The following CREB5 variants were observed in gnomAD, a reference collection of about 807,000 sequenced individuals.
CREB5 encodes cAMP responsive element binding protein 5, also known as cyclic AMP-responsive element-binding protein 5.
CREB5 carries 19 observed loss-of-function variants against 57.1 expected under a neutral mutation model. That is an observed-to-expected ratio of 0.33 (90% CI 0.23 to 0.49). CREB5 has a LOEUF of 0.49. CREB5 is among the 20% of genes least tolerant of loss of function. CREB5 has a pLI of 0.99. For synonymous variants in CREB5, 238 were observed against 238.3 expected, an observed-to-expected ratio of 1.00 and a Z score of 0.01; for missense variants, 579 against 671.6, an observed-to-expected ratio of 0.86 and a Z score of 1.52.
rs752228734 is a variant in CREB5 at position 28,712,524 on chromosome 7, T to TTTATTATTATTATTATTA, written c.465-6223_465-6206dup. ...ACTCCTCAAAAAAAAAAAAAGAGAA[T>TTTATTATTATTATTATTA]TTATTATTATTATTATTATTATTTT... On this transcript the variant is annotated intron_variant, in intron 5 of 10. Coordinates refer to ENST00000357727, the MANE Select transcript of CREB5 (RefSeq NM_182898.4). Among the ~76,000 whole-genome samples the TTTATTATTATTATTATTA allele has an allele frequency of 9.7e-3, 1,310 of 135,322 alleles. 29 individuals carry two copies. Among genetic ancestry groups the TTTATTATTATTATTATTA allele is most frequent in the African/African-American group, 0.034 (1,173 of 34,960 alleles). 88.8% of individuals were successfully genotyped at this position (135,322 alleles called of 152,430 possible).
intron 5 of CREB5, among the ~76,000 whole-genome samples, chr7:28,699,470 C>T (rs1012276093): frequency 6.6e-6 from 1 of 151,988 alleles, no homozygotes; most frequent in Non-Finnish European, 1.5e-5. Flanking sequence ...TCTCTGGGAA[C>T]CAAAATTAAT....
intron 7 of CREB5, among the ~76,000 whole-genome samples, chr7:28,733,166 A>G (rs914394180): frequency 6.6e-6 from 1 of 152,234 alleles, no homozygotes; most frequent in East Asian, 1.9e-4. Context: ...AAAAAGTGCA[A>G]CCAGAGAGCC....
intron 7 of CREB5, among the ~76,000 whole-genome samples, chr7:28,751,932 G>A (rs1174449149): frequency 6.6e-6 from 1 of 151,998 alleles, no homozygotes; most frequent in Non-Finnish European, 1.5e-5. Flanking sequence ...ACGAGTACCG[G>A]TCAGTTCTTT....
intron 7 of CREB5, among the ~76,000 whole-genome samples, chr7:28,782,515 C>A (rs1056350639): frequency 1.1e-4 from 17 of 152,266 alleles, no homozygotes; most frequent in Non-Finnish European, 1.9e-4. Flanking sequence ...GAAATACTAG[C>A]ACATCACCCC....
chr7:28,560,969 T>TGCGCGTGTGTGCGC (rs1395767512), intron 4 of CREB5, among the ~76,000 whole-genome samples: 354 of 24,950 alleles, frequency 0.014, 35 homozygotes, highest in Non-Finnish European at 0.028. Flanking sequence ...TGCGTGTGTG[T>TGCGCGTGTGTGCGC]GTGCGTGTGT....
At chr7:28,718,601 T>C in intron 5 of CREB5, 152 bp from the exon 6 acceptor site, 1 of 1,056,488 alleles carries the variant, frequency 9.5e-7, no homozygotes, top group Non-Finnish European at 1.3e-6. Flanking sequence ...TTATTTGTTA[T>C]TATTTCCCTA....
chr7:28,648,930 T>C (rs1167849604), intron 5 of CREB5, among the ~76,000 whole-genome samples: 1 of 152,200 alleles, frequency 6.6e-6, no homozygotes, highest in Non-Finnish European at 1.5e-5. Context: ...CCTTAAAAGC[T>C]TTAATGTACC....
intron 7 of CREB5, among the ~76,000 whole-genome samples, chr7:28,800,574 G>A (rs774306135): frequency 1.3e-5 from 2 of 152,214 alleles, no homozygotes; most frequent in Non-Finnish European, 2.9e-5. Context: ...TTTTGGAGTA[G>A]GGGAAATGTA....
In CREB5 at chr7:28,358,103, CT is replaced by C. The variant is rs926629627; in HGVS notation, c.-25+58669del. ...TTGTCTGAGGCATCTTGCATACACACTTTTTTTCAGTCTGCACAACAACTGA... is the reference window on the plus strand; with the variant it reads ...TTGTCTGAGGCATCTTGCATACACACTTTTTTCAGTCTGCACAACAACTGA... On this transcript the variant is annotated intron_variant, in intron 1 of 9. Coordinates refer to the CREB5 transcript ENST00000396299. Among the ~76,000 whole-genome samples the C allele has an allele frequency of 2.6e-4, 40 of 152,130 alleles. 1 individual carries two copies. Among genetic ancestry groups the C allele is most frequent in the Non-Finnish European group, 2.9e-5 (2 of 68,024 alleles).
intron 1 of CREB5, among the ~76,000 whole-genome samples, chr7:28,418,345 G>A (rs1379116432): frequency 3.3e-5 from 5 of 152,068 alleles, no homozygotes; most frequent in African/African-American, 4.8e-5. Context: ...ATTCACTAAA[G>A]GATGCAAAAA....
At chr7:28,496,526 T>G (rs1174503950) in intron 3 of CREB5, among the ~76,000 whole-genome samples, 1 of 152,194 alleles carries the variant, frequency 6.6e-6, no homozygotes, top group African/African-American at 2.4e-5. Context: ...ATGGAGCTTC[T>G]GTCCCAGGCT....
At chr7:28,744,494 C>T (rs1804584288) in intron 7 of CREB5, among the ~76,000 whole-genome samples, 1 of 151,802 alleles carries the variant, frequency 6.6e-6, no homozygotes, top group African/African-American at 2.4e-5. Flanking sequence ...ATTACAGGTA[C>T]ACACCACCAC....
At chr7:28,521,486 T>G (rs1216904614) in intron 4 of CREB5, among the ~76,000 whole-genome samples, 8 of 152,218 alleles carry the variant, frequency 5.3e-5, no homozygotes, top group Non-Finnish European at 1.2e-4. Context: ...TATCACTAAT[T>G]GCAGGGGTGC....
chr7:28,332,554 A>G (rs1165199787), intron 1 of CREB5, among the ~76,000 whole-genome samples: 1 of 152,152 alleles, frequency 6.6e-6, no homozygotes, highest in African/African-American at 2.4e-5. Context: ...GAAGTATTTG[A>G]AGATTACAAC....
chr7:28,709,538 G>A (rs549200910), intron 5 of CREB5, among the ~76,000 whole-genome samples: 17 of 152,098 alleles, frequency 1.1e-4, no homozygotes, highest in South Asian at 4.2e-4. Context: ...TGTTTAAAAC[G>A]CTTGAAAGCC....
At chr7:28,322,274 T>A (rs182904665) in intron 1 of CREB5, among the ~76,000 whole-genome samples, 2 of 152,160 alleles carry the variant, frequency 1.3e-5, no homozygotes, top group African/African-American at 2.4e-5. Context: ...GTGGGTAGTC[T>A]AATTGTTTTT....
At chr7:28,324,464 T>G (rs552426492) in intron 1 of CREB5, among the ~76,000 whole-genome samples, 8 of 152,164 alleles carry the variant, frequency 5.3e-5, no homozygotes, top group African/African-American at 1.9e-4. Context: ...TTGATATGCC[T>G]TTAAAAAAAT....
intron 7 of CREB5, among the ~76,000 whole-genome samples, chr7:28,755,860 A>G (rs1805268590): frequency 6.6e-6 from 1 of 151,976 alleles, no homozygotes; most frequent in African/African-American, 2.4e-5. Context: ...TAGTGGCCAA[A>G]GAGTGTTTCT....
intron 5 of CREB5, among the ~76,000 whole-genome samples, chr7:28,675,134 T>A (rs1441152257): frequency 2.0e-5 from 3 of 152,230 alleles, no homozygotes; most frequent in Non-Finnish European, 4.4e-5. Flanking sequence ...CCTAAATATT[T>A]GATCTAAGAG....
Sources: allele counts gnomAD v4.1 joint callset (sites outside exome capture counted in the v4.1 genomes callset), GRCh38; gene constraint gnomAD v4.1.1; transcripts MANE v1.5; gene names NCBI Gene and HGNC (gene_info 2026-07-23, HGNC 2026-07-21).